HAAO: variants seen among roughly 807,000 people sequenced by gnomAD.
HAAO encodes 3-hydroxyanthranilate oxygenase.
Under a neutral mutation model 46.2 loss-of-function variants are expected in HAAO, and 49 were observed. That is an observed-to-expected ratio of 1.06 (90% CI 0.84 to 1.34). The LOEUF is 1.34. Among genes scored for constraint, HAAO ranks in the 40% most tolerant of loss-of-function variants. The probability of loss-of-function intolerance (pLI) is 0.00; values close to 1 mark genes in which losing one functional copy is unlikely to be tolerated. For synonymous variants in HAAO, 157 were observed against 145.2 expected, an observed-to-expected ratio of 1.08 and a Z score of -0.58; for missense variants, 408 against 364.5, an observed-to-expected ratio of 1.12 and a Z score of -0.97.
intron 4 of HAAO, among the ~76,000 whole-genome samples, chr2:42,776,596 G>T (rs553550878): frequency 2.0e-5 from 3 of 149,526 alleles, no homozygotes; most frequent in African/African-American, 7.4e-5. Flanking sequence ...CCTTATGATG[G>T]AAATTTTGTT....
intron 4 of HAAO, among the ~76,000 whole-genome samples, chr2:42,779,681 G>A (rs527743000): frequency 1.1e-3 from 160 of 152,214 alleles, no homozygotes; most frequent in African/African-American, 3.5e-3. Flanking sequence ...AAGAATGAAG[G>A]TTTTCACCTT....
chr2:42,768,473 C>A (rs910440725), intron 7 of HAAO, among the ~76,000 whole-genome samples: 1 of 152,146 alleles, frequency 6.6e-6, no homozygotes, highest in African/African-American at 2.4e-5. Flanking sequence ...GGGTGCAGGG[C>A]TGAGTGGTAC....
intron 5 of HAAO, 153 bp from the exon 6 acceptor site, chr2:42,770,339 C>T: frequency 1.1e-6 from 1 of 870,210 alleles, no homozygotes; most frequent in South Asian, 1.6e-5. Context: ...CCTTTCCCTC[C>T]CAGCGGGGCT....
chr2:42,776,572 G>A (rs116139406), intron 4 of HAAO, among the ~76,000 whole-genome samples: 4 of 149,762 alleles, frequency 2.7e-5, no homozygotes, highest in South Asian at 2.1e-4. Flanking sequence ...AGCACCATCC[G>A]ACTTCTCTCT....
intron 4 of HAAO, among the ~76,000 whole-genome samples, chr2:42,780,970 A>T (rs55983270): frequency 2.5e-4 from 37 of 150,342 alleles, no homozygotes; most frequent in African/African-American, 4.4e-4. Flanking sequence ...CCAGCTACTC[A>T]GGAGGCTGAG....
chr2:42,777,426 T>C (rs1671670517), intron 4 of HAAO, among the ~76,000 whole-genome samples: 1 of 151,804 alleles, frequency 6.6e-6, no homozygotes, highest in African/African-American at 2.4e-5. Context: ...AAGACGTCTA[T>C]CTATGTGTTG....
intron 1 of HAAO, among the ~76,000 whole-genome samples, chr2:42,790,068 G>T (rs1672674594): frequency 6.6e-6 from 1 of 152,138 alleles, no homozygotes; most frequent in Non-Finnish European, 1.5e-5. Context: ...GGCAGGGGAG[G>T]GGCTATGGGG....
In HAAO at chr2:42,783,782, AC is replaced by A; in HGVS notation, c.243+1del. 6.2e-7 allele frequency: 1 copy of A among 1,610,500 alleles called. No homozygotes were observed. The highest frequency in any genetic ancestry group is 1.3e-5 in the African/African-American group (1 of 74,906). On this transcript the variant is annotated splice_donor_variant, in intron 3 of 9. Transcript: ENST00000294973. LOFTEE classifies it high-confidence loss of function. ...CCCCACCCTGCTGGGATCCGGCCTC[AC>A]CTCTCCCTGCCGAATGACCACATCC...
At chr2:42,792,304 A>AG (rs1282117389) in intron 1 of HAAO, among the ~76,000 whole-genome samples, 153 bp downstream of exon 1, 1 of 152,220 alleles carries the variant, frequency 6.6e-6, no homozygotes, top group Non-Finnish European at 1.5e-5. Flanking sequence ...GAACCGGAAC[A>AG]GCCTGTCTCC....
intron 4 of HAAO, among the ~76,000 whole-genome samples, chr2:42,774,475 G>T (rs1194400167): frequency 6.6e-6 from 1 of 152,160 alleles, no homozygotes; most frequent in South Asian, 2.1e-4. Context: ...TTATTTTGCT[G>T]TACAACTCCC....
chr2:42,790,703 T>C (rs1672731427), intron 1 of HAAO, among the ~76,000 whole-genome samples: 2 of 152,100 alleles, frequency 1.3e-5, no homozygotes, highest in Admixed American at 6.5e-5. Flanking sequence ...AGGTAATTTT[T>C]GTATTTTTAG....
intron 1 of HAAO, among the ~76,000 whole-genome samples, chr2:42,791,883 A>G (rs1672825561): frequency 6.8e-6 from 1 of 148,028 alleles, no homozygotes; most frequent in Admixed American, 6.8e-5. Context: ...TGCTGCAGGC[A>G]GAGGCTACTG....
chr2:42,783,184 G>T, intron 4 of HAAO, 130 bp downstream of exon 4: 1 of 619,958 alleles, frequency 1.6e-6, no homozygotes, highest in Non-Finnish European at 2.9e-6. Context: ...CTGCTGTGAG[G>T]CCCTCCTGCC....
At chr2:42,788,715 C>G in intron 1 of HAAO, 108 bp from the exon 2 acceptor site, 1 of 773,008 alleles carries the variant, frequency 1.3e-6, no homozygotes, top group Non-Finnish European at 2.3e-6. Flanking sequence ...GGGAGAGGAG[C>G]AGGGCTGTTT....
Position 42,778,101 on chromosome 2 carries a change from G to C in HAAO, c.350+5213C>G, listed in dbSNP as rs564247023. Among the ~76,000 whole-genome samples, 17 of 150,730 alleles carry C rather than the reference G, an allele frequency of 1.1e-4. No individual in the cohort carries two copies. The South Asian group carries it at 1.3e-3, about 11-fold the overall frequency. ...TCTAAGCATAGCATGAATGGTCTGT[G>C]TAAGTCACAATAAGAGGATTTATTT... On this transcript the variant is annotated intron_variant, in intron 4 of 9. Coordinates refer to ENST00000294973, the MANE Select transcript of HAAO (RefSeq NM_012205.3).
intron 2 of HAAO, among the ~76,000 whole-genome samples, chr2:42,785,786 C>T (rs1314130794): frequency 6.6e-6 from 1 of 151,960 alleles, no homozygotes; most frequent in Non-Finnish European, 1.5e-5. Flanking sequence ...CACTTGAGCC[C>T]CAGAAGTTGA....
chr2:42,776,282 C>T lies in HAAO; in HGVS notation c.351-5700G>A, dbSNP rs187026898. On this transcript the variant is annotated intron_variant, in intron 4 of 9. Coordinates refer to ENST00000294973, the MANE Select transcript of HAAO (RefSeq NM_012205.3). ...GAGACAGAGTTTCACTCTTGTTGCCCAGGCTGGAATGCAATGGTATGATCT... is the reference window on the plus strand; with the variant it reads ...GAGACAGAGTTTCACTCTTGTTGCCTAGGCTGGAATGCAATGGTATGATCT... Among the ~76,000 whole-genome samples, 10 of 143,594 alleles carry T rather than the reference C, an allele frequency of 7.0e-5. No individual in the cohort carries two copies. In the East Asian group the frequency reaches 2.0e-3, roughly 29 times the overall value. The allele number at this position is 143,594 out of a possible 152,430, so 94.2% of individuals were successfully genotyped here. A position where few individuals can be genotyped will look rare whatever the true frequency, so the allele number is the denominator to read the frequency against.
intron 2 of HAAO, among the ~76,000 whole-genome samples, chr2:42,786,009 C>CTGTGTGTGTGTGTGTG (rs10606385): frequency 4.7e-5 from 5 of 106,152 alleles, no homozygotes; most frequent in South Asian, 3.5e-4. Context: ...GAGGAAGCCT[C>CTGTGTGTGTGTGTGTG]TGTGTGTGTG....
chr2:42,775,861 C>T (rs1225326962), intron 4 of HAAO, among the ~76,000 whole-genome samples: 5 of 121,442 alleles, frequency 4.1e-5, no homozygotes, highest in African/African-American at 6.4e-5. Flanking sequence ...TTGTGTTATC[C>T]TTTTTTTTTT....
Sources: gnomAD v4.1 joint callset for allele counts (sites outside exome capture counted in the v4.1 genomes callset) on GRCh38, gnomAD v4.1.1 for gene constraint, MANE v1.5 for transcripts, NCBI Gene and HGNC (gene_info 2026-07-23, HGNC 2026-07-21) for gene names.